The following SH3RF1 variants were observed in gnomAD, a reference collection of about 807,000 sequenced individuals.
SH3RF1 encodes SH3 domain containing ring finger 1.
SH3RF1 carries 32 observed loss-of-function variants against 74.0 expected under a neutral mutation model. The ratio of observed to expected loss-of-function variants is 0.43; its 90% CI spans 0.33 to 0.58. SH3RF1 has a LOEUF of 0.58. SH3RF1 is among the 20% of genes least tolerant of loss of function. The probability of loss-of-function intolerance (pLI) is 0.05; values close to 1 mark genes in which losing one functional copy is unlikely to be tolerated. For missense variants in SH3RF1, 954 were observed against 1,130.9 expected (o/e 0.84, Z 2.24); for synonymous variants, 396 against 439.6 (o/e 0.90, Z 1.24).
intron 2 of SH3RF1, among the ~76,000 whole-genome samples, chr4:169,267,481 A>C (rs1001666815): frequency 2.6e-5 from 4 of 152,252 alleles, no homozygotes; most frequent in Admixed American, 1.3e-4. Context: ...AGGAAATCTA[A>C]GAAAAGCACT....
intron 2 of SH3RF1, among the ~76,000 whole-genome samples, chr4:169,172,868 C>A (rs368919060): frequency 6.6e-6 from 1 of 152,260 alleles, no homozygotes; most frequent in African/African-American, 2.4e-5. Flanking sequence ...ATAGCACTTA[C>A]CCCTGGAAAG....
At chr4:169,126,366 C>T (rs564543753) in intron 6 of SH3RF1, among the ~76,000 whole-genome samples, 2 of 152,260 alleles carry the variant, frequency 1.3e-5, no homozygotes, top group African/African-American at 4.8e-5. Flanking sequence ...TACTCTTCAC[C>T]CTGATTTTTA....
At chr4:169,266,212 A>G (rs1307387352) in intron 2 of SH3RF1, among the ~76,000 whole-genome samples, 1 of 152,242 alleles carries the variant, frequency 6.6e-6, no homozygotes, top group African/African-American at 2.4e-5. Flanking sequence ...ATAACATTCA[A>G]TATACTTTGG....
rs1731215983 is a variant in SH3RF1 at position 169,257,790 on chromosome 4, C to G, written c.393+11030G>C. On this transcript the variant is annotated intron_variant, in intron 2 of 11. Coordinates refer to ENST00000284637, the MANE Select transcript of SH3RF1 (RefSeq NM_020870.4). ...GGTGGATAATTCTAGCAGATGAGAT[C>G]TAGCAAGCAAACCAGCCCTATTTAG... Among the ~76,000 whole-genome samples, 2 of 152,226 alleles carry G rather than the reference C, an allele frequency of 1.3e-5. 1 individual carries two copies. Among genetic ancestry groups the G allele is most frequent in the Admixed American group, 1.3e-4 (2 of 15,284 alleles).
intron 2 of SH3RF1, among the ~76,000 whole-genome samples, chr4:169,191,731 T>C (rs937038110): frequency 7.9e-5 from 12 of 151,912 alleles, no homozygotes; most frequent in African/African-American, 2.7e-4. Flanking sequence ...AACCCAGAAA[T>C]AAACCCAAAT....
At chr4:169,256,133 AG>A (rs2110752529) in intron 2 of SH3RF1, among the ~76,000 whole-genome samples, 1 of 152,328 alleles carries the variant, frequency 6.6e-6, no homozygotes, top group South Asian at 2.1e-4. Context: ...GGAAAGTCTT[AG>A]GAGTCTAAGT....
intron 2 of SH3RF1, among the ~76,000 whole-genome samples, chr4:169,225,280 C>G (rs1250740889): frequency 9.2e-5 from 14 of 152,140 alleles, no homozygotes; most frequent in Admixed American, 9.2e-4. Context: ...GGTTTGAATG[C>G]TGGCCAACTT....
chr4:169,209,673 T>C (rs1730325591), intron 2 of SH3RF1, among the ~76,000 whole-genome samples: 1 of 152,192 alleles, frequency 6.6e-6, no homozygotes, highest in Non-Finnish European at 1.5e-5. Flanking sequence ...GACATAAATA[T>C]ACTCAAGTTT....
At chr4:169,269,772 G>C (rs1042102420) in intron 1 of SH3RF1, 9 of 152,372 alleles carry the variant, frequency 5.9e-5, no homozygotes, top group African/African-American at 1.7e-4. Flanking sequence ...CATGCCTCAT[G>C]TAATCGCTCG....
chr4:169,114,046 C>T (rs542925757), intron 10 of SH3RF1, among the ~76,000 whole-genome samples: 16 of 152,210 alleles, frequency 1.1e-4, no homozygotes, highest in African/African-American at 3.1e-4. Flanking sequence ...CAATGGGGCA[C>T]GCACCTAGGC....
intron 2 of SH3RF1, among the ~76,000 whole-genome samples, chr4:169,225,635 G>T (rs144667469): frequency 3.3e-5 from 5 of 152,300 alleles, no homozygotes; most frequent in African/African-American, 9.6e-5. Flanking sequence ...TGACTGCAAT[G>T]TTAAAGGAAG....
At chr4:169,162,593 A>G (rs930523849) in intron 2 of SH3RF1, among the ~76,000 whole-genome samples, 6 of 152,232 alleles carry the variant, frequency 3.9e-5, no homozygotes, top group Non-Finnish European at 7.3e-5. Flanking sequence ...TTTTCTAATC[A>G]TACTAACTTT....
At chr4:169,261,942 T>G (rs981823185) in intron 2 of SH3RF1, among the ~76,000 whole-genome samples, 4 of 152,090 alleles carry the variant, frequency 2.6e-5, no homozygotes, top group Admixed American at 1.3e-4. Context: ...TTACACTGAG[T>G]ATTTTTTAAA....
intron 4 of SH3RF1, among the ~76,000 whole-genome samples, chr4:169,138,061 C>T (rs1733727778): frequency 6.6e-6 from 1 of 152,238 alleles, no homozygotes. Flanking sequence ...ATAAAGACTT[C>T]TTCCGATATG....
intron 2 of SH3RF1, among the ~76,000 whole-genome samples, chr4:169,227,069 G>A (rs1301267035): frequency 6.6e-6 from 1 of 152,026 alleles, no homozygotes; most frequent in Non-Finnish European, 1.5e-5. Flanking sequence ...GGGAGGCTGA[G>A]GCAGGAGGAT....
chr4:169,202,801 T>C (rs1383152582), intron 2 of SH3RF1, among the ~76,000 whole-genome samples: 10 of 152,362 alleles, frequency 6.6e-5, no homozygotes, highest in Admixed American at 6.5e-4. Flanking sequence ...TTAAACTTTG[T>C]ACCTAAAGTA....
intron 2 of SH3RF1, among the ~76,000 whole-genome samples, chr4:169,162,113 C>T (rs951445656): frequency 5.3e-5 from 8 of 151,862 alleles, no homozygotes; most frequent in Non-Finnish European, 7.4e-5. Flanking sequence ...GCCAAGATGG[C>T]GCCACTGCAC....
chr4:169,097,772 C>T (rs148936586), intron 11 of SH3RF1, among the ~76,000 whole-genome samples: 5 of 152,184 alleles, frequency 3.3e-5, no homozygotes, highest in African/African-American at 9.6e-5. Flanking sequence ...ACCTGTGTGG[C>T]CAATAAAATG....
intron 2 of SH3RF1, among the ~76,000 whole-genome samples, chr4:169,167,379 A>G (rs1329832144): frequency 1.3e-5 from 2 of 152,202 alleles, no homozygotes; most frequent in South Asian, 2.1e-4. Flanking sequence ...GGGGTCTAAT[A>G]CTGATTGAAA....
Sources: gnomAD v4.1 joint callset for allele counts (sites outside exome capture counted in the v4.1 genomes callset) on GRCh38, gnomAD v4.1.1 for gene constraint, MANE v1.5 for transcripts, NCBI Gene and HGNC (gene_info 2026-07-23, HGNC 2026-07-21) for gene names.